ASIC2: variants seen among roughly 807,000 people sequenced by gnomAD.
The protein encoded by ASIC2 is acid sensing ion channel subunit 2, also known as acid-sensing ion channel 2.
A neutral mutation model predicts 57.3 loss-of-function variants in ASIC2; 25 were observed. That is an observed-to-expected ratio of 0.44 (90% confidence interval 0.32 to 0.61). The LOEUF is 0.61. ASIC2 is among the 20% of genes least tolerant of loss of function. The pLI is 0.06. For synonymous variants in ASIC2, 319 were observed against 307.5 expected (o/e 1.04, Z -0.39); for missense variants, 641 against 738.1 (o/e 0.87, Z 1.52).
chr17:33,600,308 T>C (rs908337917), intron 1 of ASIC2, among the ~76,000 whole-genome samples: 2 of 152,250 alleles, frequency 1.3e-5, no homozygotes, highest in African/African-American at 4.8e-5. Flanking sequence ...CTGCATGTTA[T>C]GACATAGCGA....
At chr17:33,076,392 C>T (rs560170359) in intron 3 of ASIC2, among the ~76,000 whole-genome samples, 8 of 152,312 alleles carry the variant, frequency 5.3e-5, no homozygotes, top group East Asian at 1.9e-4. Flanking sequence ...TATTAGGAGT[C>T]GGGTCCAAAC....
At chr17:34,110,228 GAACA>G (rs1911220385) in intron 1 of ASIC2, among the ~76,000 whole-genome samples, 1 of 152,174 alleles carries the variant, frequency 6.6e-6, no homozygotes, top group African/African-American at 2.4e-5. Context: ...CTTATGGGCT[GAACA>G]AACAAACGTG....
intron 1 of ASIC2, among the ~76,000 whole-genome samples, chr17:33,868,624 T>C (rs1914308692): frequency 6.6e-6 from 1 of 152,176 alleles, no homozygotes; most frequent in Non-Finnish European, 1.5e-5. Flanking sequence ...ATTAAAACTT[T>C]TGTGCCCAAA....
intron 1 of ASIC2, among the ~76,000 whole-genome samples, chr17:33,930,497 T>C (rs1915908489): frequency 6.6e-6 from 1 of 152,204 alleles, no homozygotes. Flanking sequence ...GGTAGTAGAA[T>C]AAGGGCTGGA....
chr17:33,966,985 A>G (rs1177362925), intron 1 of ASIC2, among the ~76,000 whole-genome samples: 1 of 151,478 alleles, frequency 6.6e-6, no homozygotes, highest in Non-Finnish European at 1.5e-5. Flanking sequence ...TTTTATATCC[A>G]TCCACAGTGG....
At chr17:33,133,763 T>A (rs552589872) in intron 1 of ASIC2, among the ~76,000 whole-genome samples, 10 of 152,282 alleles carry the variant, frequency 6.6e-5, no homozygotes, top group Non-Finnish European at 1.2e-4. Context: ...CTCCTCCTTC[T>A]ACCCTGCCCC....
chr17:33,120,115 T>C (rs1369157911), intron 1 of ASIC2, among the ~76,000 whole-genome samples: 1 of 152,194 alleles, frequency 6.6e-6, no homozygotes, highest in Non-Finnish European at 1.5e-5. Flanking sequence ...ATTTTTCCCT[T>C]CTTATGTAGG....
chr17:33,065,326 A>T (rs1034722051), intron 3 of ASIC2, among the ~76,000 whole-genome samples: 1 of 151,034 alleles, frequency 6.6e-6, no homozygotes, highest in Non-Finnish European at 1.5e-5. Context: ...ACAGCTGCTC[A>T]GTCACCACTT....
chr17:33,862,178 C>T (rs996427392), intron 1 of ASIC2, among the ~76,000 whole-genome samples: 1 of 152,212 alleles, frequency 6.6e-6, no homozygotes, highest in African/African-American at 2.4e-5. Context: ...TCTTCGGTAG[C>T]TGAGTCAGAC....
intron 3 of ASIC2, among the ~76,000 whole-genome samples, chr17:33,043,205 G>T (rs546525997): frequency 6.6e-6 from 1 of 152,302 alleles, no homozygotes; most frequent in East Asian, 1.9e-4. Context: ...GATTACAGGC[G>T]TGAGCCACCA....
chr17:34,088,234 T>C (rs1252506198), intron 1 of ASIC2, among the ~76,000 whole-genome samples: 2 of 152,200 alleles, frequency 1.3e-5, no homozygotes, highest in Admixed American at 6.6e-5. Context: ...GGATGTCCTT[T>C]CTGTTTGTTA....
intron 1 of ASIC2, among the ~76,000 whole-genome samples, chr17:33,571,058 A>G (rs942238582): frequency 2.6e-5 from 4 of 152,010 alleles, no homozygotes; most frequent in African/African-American, 7.3e-5. Context: ...AGCTTTTTCA[A>G]TTCCCCACCT....
At chr17:33,805,257 C>T (rs528901911) in intron 1 of ASIC2, among the ~76,000 whole-genome samples, 83 of 152,224 alleles carry the variant, frequency 5.5e-4, no homozygotes, top group Middle Eastern at 3.4e-3. Context: ...TGCCCAGGAA[C>T]CTCTGCAGAT....
intron 1 of ASIC2, among the ~76,000 whole-genome samples, chr17:33,258,902 A>G (rs760076031): frequency 7.9e-5 from 12 of 152,332 alleles, no homozygotes; most frequent in Non-Finnish European, 1.5e-4. Flanking sequence ...AGGCCGGGAC[A>G]TGCACATATA....
At chr17:33,209,045 A>G (rs543427365) in intron 1 of ASIC2, among the ~76,000 whole-genome samples, 38 of 152,068 alleles carry the variant, frequency 2.5e-4, no homozygotes, top group Middle Eastern at 3.4e-3. Context: ...GCTTGTCTTT[A>G]TGAGTTGGTG....
chr17:33,705,530 A>G (rs1021475397), intron 1 of ASIC2, among the ~76,000 whole-genome samples: 1 of 152,230 alleles, frequency 6.6e-6, no homozygotes, highest in Non-Finnish European at 1.5e-5. Context: ...TCATTATAAG[A>G]GGAAGGCAGA....
intron 1 of ASIC2, among the ~76,000 whole-genome samples, chr17:33,586,612 G>T (rs1298974067): frequency 6.6e-6 from 1 of 152,084 alleles, no homozygotes; most frequent in Non-Finnish European, 1.5e-5. Context: ...ATGTATTCCT[G>T]TCTTGAGTTT....
At chr17:33,856,283 CTT>C (rs1913926352) in intron 1 of ASIC2, among the ~76,000 whole-genome samples, 1 of 152,160 alleles carries the variant, frequency 6.6e-6, no homozygotes, top group African/African-American at 2.4e-5. Context: ...CATTGTGAGA[CTT>C]TAAAAATGTA....
intron 1 of ASIC2, among the ~76,000 whole-genome samples, chr17:34,099,897 C>A (rs1020971839): frequency 9.9e-5 from 15 of 152,176 alleles, no homozygotes; most frequent in African/African-American, 3.6e-4. Context: ...GTGTGACTGG[C>A]AGGTCATACA....
Sources: gnomAD v4.1 joint callset for allele counts (sites outside exome capture counted in the v4.1 genomes callset) on GRCh38, gnomAD v4.1.1 for gene constraint, MANE v1.5 for transcripts, NCBI Gene and HGNC (gene_info 2026-07-23, HGNC 2026-07-21) for gene names.